FAM199X: variants seen among roughly 807,000 people sequenced by gnomAD.
FAM199X encodes the protein family with sequence similarity 199, X-linked, also known as protein FAM199X.
In FAM199X, 4 loss-of-function variants were observed where a neutral mutation model predicts 22.9. That is an observed-to-expected ratio of 0.17 (90% CI 0.09 to 0.40). The LOEUF (loss-of-function observed/expected upper bound fraction) is 0.40. FAM199X is among the 10% of genes least tolerant of loss of function. The probability of loss-of-function intolerance (pLI) is 1.00; values close to 1 mark genes in which losing one functional copy is unlikely to be tolerated. For missense variants in FAM199X, 183 were observed against 306.8 expected (o/e 0.60, Z 3.01); for synonymous variants, 101 against 112.3 (o/e 0.90, Z 0.64).
At chrX:104,167,121 C>G in intron 1 of FAM199X, 139 bp downstream of exon 1, 1 of 478,864 alleles carries the variant, frequency 2.1e-6, no homozygotes, top group Non-Finnish European at 3.2e-6. Flanking sequence ...GGCCTCCTTC[C>G]CTGCCCCCCC....
rs1337101423 is a variant in FAM199X, at chrX:104,193,655, G to A, written c.*3877G>A. On this transcript the variant is annotated 3_prime_UTR_variant, in exon 6 of 6. Coordinates refer to ENST00000493442, the MANE Select transcript of FAM199X (RefSeq NM_207318.4). ...AATCCCCAGTTGCATTCAAATAATA[G>A]TGTTGATGTTGAGGGCACTGACTCA... The A allele has an allele frequency of 3.6e-5, 4 of 111,856 alleles. No homozygotes were observed. Among genetic ancestry groups the A allele is most frequent in the Non-Finnish European group, 7.5e-5 (4 of 52,996 alleles). 9.2% of individuals were successfully genotyped at this position (111,856 alleles called of 1,213,427 possible). A position where few individuals can be genotyped will look rare whatever the true frequency, so the allele number is the denominator to read the frequency against.
upstream of FAM199X, among the ~76,000 whole-genome samples, chrX:104,161,917 G>A (rs782709294): frequency 5.0e-4 from 56 of 111,859 alleles, no homozygotes; most frequent in Non-Finnish European, 9.8e-4. Flanking sequence ...CCCTTGGTTG[G>A]TATTTCTCAA....
intron 2 of FAM199X, among the ~76,000 whole-genome samples, chrX:104,179,335 A>G (rs1307467418): frequency 8.9e-6 from 1 of 111,864 alleles, no homozygotes; most frequent in East Asian, 2.8e-4. Context: ...TGTAGTTTTC[A>G]ATGTCTAAGT....
Position 104,192,124 on chromosome X carries a change from C to T in FAM199X, c.*2346C>T, listed in dbSNP as rs1715853346. On this transcript the variant is annotated 3_prime_UTR_variant, in exon 6 of 6. Coordinates refer to ENST00000493442, the MANE Select transcript of FAM199X (RefSeq NM_207318.4). ...AGAGGGAGATTAGATAGTCCTCTGT[C>T]CCCCCAAAAAAGAAACTAGCAGAGA... 9.0e-6 allele frequency: 1 copy of T among 111,257 alleles called. No homozygotes were observed. The highest frequency in any genetic ancestry group is 9.6e-5 in the Admixed American group (1 of 10,428). The allele number at this position is 111,257 out of a possible 1,213,427, so 9.2% of individuals were successfully genotyped here.
At chrX:104,175,451 A>T (rs1321584592) in intron 1 of FAM199X, among the ~76,000 whole-genome samples, 172 bp from the exon 2 acceptor site, 1 of 111,799 alleles carries the variant, frequency 8.9e-6, no homozygotes, top group Non-Finnish European at 1.9e-5. Flanking sequence ...AATCCTAGAC[A>T]TGTATCATTC....
intron 2 of FAM199X, among the ~76,000 whole-genome samples, chrX:104,184,906 G>A (rs112228839): frequency 4.7e-4 from 51 of 107,534 alleles, no homozygotes; most frequent in African/African-American, 1.7e-3. Flanking sequence ...TCAGACCACA[G>A]GCATGTGTCA....
chrX:104,188,606 T>C (rs1921860302), intron 5 of FAM199X, among the ~76,000 whole-genome samples: 1 of 112,385 alleles, frequency 8.9e-6, no homozygotes, highest in South Asian at 3.7e-4. Context: ...TGACTGCAAC[T>C]CACTACTGAG....
chrX:104,185,949 A>G (rs909689736), intron 2 of FAM199X, 117 bp from the exon 3 acceptor site: 3 of 726,608 alleles, frequency 4.1e-6, no homozygotes, highest in Non-Finnish European at 6.0e-6. Context: ...CACAGCCAGC[A>G]GCACGTCAGT....
At position 104,188,416 on chromosome X, in the gene FAM199X, G is replaced by A. The variant is rs782362898; in HGVS notation, c.996+110G>A. ...GATCCTGCTGTCTAGTTGCCTGTGG[G>A]TTTTGGTCTTAATTGAACAAGCAGG... On this transcript the variant is annotated intron_variant, in intron 5 of 5. Transcript: ENST00000493442. 169 of 959,835 alleles carry A rather than the reference G, an allele frequency of 1.8e-4. 1 individual carries two copies. In the South Asian group the frequency reaches 2.8e-3, roughly 16 times the overall value. 79.1% of individuals were successfully genotyped at this position (959,835 alleles called of 1,213,427 possible). A position where few individuals can be genotyped will look rare whatever the true frequency, so the allele number is the denominator to read the frequency against.
At chrX:104,169,906 A>G (rs1307768105) in intron 1 of FAM199X, among the ~76,000 whole-genome samples, 2 of 112,040 alleles carry the variant, frequency 1.8e-5, no homozygotes, top group Non-Finnish European at 3.8e-5. Context: ...GTAGGTTGGT[A>G]TGTCACTGGT....
chrX:104,178,931 C>A (rs1358640423), intron 2 of FAM199X, among the ~76,000 whole-genome samples: 3 of 111,265 alleles, frequency 2.7e-5, no homozygotes, highest in Non-Finnish European at 5.7e-5. Flanking sequence ...AGTTCGAAAC[C>A]AGCCTGGGCA....
chrX:104,174,638 C>T (rs2147891323), intron 1 of FAM199X, among the ~76,000 whole-genome samples: 1 of 111,411 alleles, frequency 9.0e-6, no homozygotes, highest in Admixed American at 9.5e-5. Context: ...AATTATGATA[C>T]ATTTAGCCAA....
intron 2 of FAM199X, among the ~76,000 whole-genome samples, chrX:104,181,696 A>C (rs1921658026): frequency 8.9e-6 from 1 of 112,220 alleles, no homozygotes; most frequent in Non-Finnish European, 1.9e-5. Flanking sequence ...ACTGTTCAGC[A>C]TAGTTGAAAG....
At chrX:104,179,803 A>G (rs1030133109) in intron 2 of FAM199X, among the ~76,000 whole-genome samples, 7 of 109,944 alleles carry the variant, frequency 6.4e-5, no homozygotes, top group Non-Finnish European at 9.5e-5. Flanking sequence ...TTCATAAGGG[A>G]TATTGGTCTG....
intron 2 of FAM199X, among the ~76,000 whole-genome samples, chrX:104,180,784 A>G (rs782382242): frequency 4.4e-5 from 5 of 112,378 alleles, no homozygotes; most frequent in Non-Finnish European, 7.5e-5. Context: ...AAAAATCATT[A>G]CTATAGTTAA....
In FAM199X at chrX:104,180,985, A is replaced by G. The variant is rs529005497; in HGVS notation, c.418-5081A>G. Among the ~76,000 whole-genome samples, 65 of 112,200 alleles carry G rather than the reference A, an allele frequency of 5.8e-4. No individual in the cohort carries two copies. The South Asian group carries it at 0.015, about 25-fold the overall frequency. ...ATCTTTGCATTTTGCTTTGCTGATAATTTTCTTTGCTTTCAGTCCTTTTGT... is the reference window on the plus strand; with the variant it reads ...ATCTTTGCATTTTGCTTTGCTGATAGTTTTCTTTGCTTTCAGTCCTTTTGT... On this transcript the variant is annotated intron_variant, in intron 2 of 5. Coordinates refer to ENST00000493442, the MANE Select transcript of FAM199X (RefSeq NM_207318.4).
At chrX:104,183,722 C>T (rs1031994512) in intron 2 of FAM199X, among the ~76,000 whole-genome samples, 3 of 112,090 alleles carry the variant, frequency 2.7e-5, no homozygotes, top group African/African-American at 9.7e-5. Flanking sequence ...ACCTCCGCCT[C>T]TCAAAGTGCT....
At chrX:104,178,593 A>G (rs1402657105) in intron 2 of FAM199X, among the ~76,000 whole-genome samples, 1 of 111,377 alleles carries the variant, frequency 9.0e-6, no homozygotes, top group African/African-American at 3.3e-5. Context: ...CAAATTTATT[A>G]TTTTGCATGT....
intron 1 of FAM199X, among the ~76,000 whole-genome samples, chrX:104,172,273 G>A (rs1556375527): frequency 9.6e-6 from 1 of 104,441 alleles, no homozygotes; most frequent in African/African-American, 3.5e-5. Flanking sequence ...GTGAAAATTA[G>A]CCAGGCGTGG....
Sources: allele counts gnomAD v4.1 joint callset (sites outside exome capture counted in the v4.1 genomes callset), GRCh38; gene constraint gnomAD v4.1.1; transcripts MANE v1.5; gene names NCBI Gene and HGNC (gene_info 2026-07-23, HGNC 2026-07-21).